Variants in PLCL1 observed in about 807,000 individuals in gnomAD.
PLCL1 encodes phospholipase C like 1 (inactive).
A neutral mutation model predicts 84.4 loss-of-function variants in PLCL1; 41 were observed. The ratio of observed to expected loss-of-function variants is 0.49; its 90% CI spans 0.38 to 0.63. The LOEUF (loss-of-function observed/expected upper bound fraction) is 0.63, where lower values mean the gene tolerates loss of function less well. PLCL1 is among the 30% of genes least tolerant of loss of function. The probability of loss-of-function intolerance (pLI) is 0.00; values close to 1 mark genes in which losing one functional copy is unlikely to be tolerated. For synonymous variants in PLCL1, 490 were observed against 488.3 expected (o/e 1.00, Z -0.05); for missense variants, 1,206 against 1,367.8 (o/e 0.88, Z 1.87).
At chr2:198,112,997 CA>C (rs747056968) in intron 5 of PLCL1, among the ~76,000 whole-genome samples, 4 of 151,858 alleles carry the variant, frequency 2.6e-5, no homozygotes, top group Non-Finnish European at 5.9e-5. Context: ...TATTTTTATA[CA>C]CAAAAGAAAA....
At chr2:198,092,520 C>T (rs1693071419) in intron 3 of PLCL1, among the ~76,000 whole-genome samples, 1 of 152,154 alleles carries the variant, frequency 6.6e-6, no homozygotes, top group Non-Finnish European at 1.5e-5. Flanking sequence ...TTGCAAGGTA[C>T]TTACCACTGT....
chr2:197,829,096 T>G (rs929454366), intron 1 of PLCL1, among the ~76,000 whole-genome samples: 9 of 152,212 alleles, frequency 5.9e-5, no homozygotes, highest in Non-Finnish European at 1.0e-4. Flanking sequence ...TACATAAGTT[T>G]TTAGTACAAT....
chr2:197,833,273 C>T (rs1691109919), intron 1 of PLCL1, among the ~76,000 whole-genome samples: 1 of 152,158 alleles, frequency 6.6e-6, no homozygotes, highest in Admixed American at 6.5e-5. Flanking sequence ...AAAATCGGCA[C>T]AAGACAAGGA....
chr2:197,962,966 C>T (rs552138813), intron 1 of PLCL1, among the ~76,000 whole-genome samples: 1 of 152,112 alleles, frequency 6.6e-6, no homozygotes, highest in South Asian at 2.1e-4. Flanking sequence ...TTTCTTTATC[C>T]ATTTGTCTCT....
chr2:198,101,997 A>G (rs958126349), intron 4 of PLCL1, among the ~76,000 whole-genome samples: 23 of 152,006 alleles, frequency 1.5e-4, no homozygotes, highest in African/African-American at 4.8e-4. Context: ...CACACACACT[A>G]TCTTACTCAT....
At chr2:197,814,352 A>G (rs1225061318) in intron 1 of PLCL1, among the ~76,000 whole-genome samples, 5 of 152,168 alleles carry the variant, frequency 3.3e-5, no homozygotes, top group African/African-American at 7.2e-5. Context: ...TGTGATCAGT[A>G]ATCTTTGATG....
chr2:198,024,399 A>T (rs1365502827), intron 1 of PLCL1, among the ~76,000 whole-genome samples: 1 of 145,808 alleles, frequency 6.9e-6, no homozygotes, highest in East Asian at 2.1e-4. Context: ...AAGTATAATA[A>T]TTTAAAAAAA....
At chr2:197,974,031 T>G (rs999674665) in intron 1 of PLCL1, among the ~76,000 whole-genome samples, 1 of 152,152 alleles carries the variant, frequency 6.6e-6, no homozygotes, top group Non-Finnish European at 1.5e-5. Flanking sequence ...GGGATGTATT[T>G]CAGAGTAGAG....
intron 1 of PLCL1, among the ~76,000 whole-genome samples, chr2:197,848,366 T>C (rs566744637): frequency 6.6e-6 from 1 of 152,308 alleles, no homozygotes; most frequent in South Asian, 2.1e-4. Flanking sequence ...TTCAACTTAC[T>C]TGGTAAAACG....
chr2:197,994,107 T>C (rs935848174), intron 1 of PLCL1, among the ~76,000 whole-genome samples: 3 of 152,156 alleles, frequency 2.0e-5, no homozygotes, highest in African/African-American at 7.2e-5. Context: ...AGCTCCTTAC[T>C]CTAGGCTTGA....
At chr2:197,891,060 A>G (rs1302923527) in intron 1 of PLCL1, among the ~76,000 whole-genome samples, 1 of 151,464 alleles carries the variant, frequency 6.6e-6, no homozygotes, top group Non-Finnish European at 1.5e-5. Context: ...TTTACTTAGT[A>G]TAAGTAATGC....
At chr2:198,053,250 C>T (rs1194185239) in intron 1 of PLCL1, among the ~76,000 whole-genome samples, 1 of 152,178 alleles carries the variant, frequency 6.6e-6, no homozygotes. Context: ...CCTTTTCTCC[C>T]ACTTCATTAT....
chr2:197,933,562 T>C (rs1171435670), intron 1 of PLCL1, among the ~76,000 whole-genome samples: 1 of 152,214 alleles, frequency 6.6e-6, no homozygotes, highest in Non-Finnish European at 1.5e-5. Context: ...TCTTTAGCTA[T>C]ATTAGTTAAG....
chr2:197,925,462 T>G (rs981201762), intron 1 of PLCL1, among the ~76,000 whole-genome samples: 2 of 152,252 alleles, frequency 1.3e-5, no homozygotes, highest in South Asian at 4.1e-4. Context: ...ATTTTCAGTT[T>G]CTATTATTTG....
At chr2:197,906,098 T>C (rs990569538) in intron 1 of PLCL1, among the ~76,000 whole-genome samples, 4 of 152,224 alleles carry the variant, frequency 2.6e-5, no homozygotes, top group African/African-American at 9.6e-5. Context: ...ATTTTGGCTT[T>C]TGTTGCAATT....
chr2:197,809,478 T>G (rs2106413544), intron 1 of PLCL1, among the ~76,000 whole-genome samples: 1 of 152,334 alleles, frequency 6.6e-6, no homozygotes, highest in South Asian at 2.1e-4. Flanking sequence ...TTTCTCAGCC[T>G]TCTTTCCTTC....
intron 1 of PLCL1, among the ~76,000 whole-genome samples, chr2:198,081,618 C>A (rs911276772): frequency 6.6e-6 from 1 of 152,088 alleles, no homozygotes; most frequent in African/African-American, 2.4e-5. Flanking sequence ...TGTCAAATGC[C>A]AGGGCACCAA....
chr2:198,067,169 C>G (rs935792567), intron 1 of PLCL1, among the ~76,000 whole-genome samples: 2 of 148,406 alleles, frequency 1.3e-5, no homozygotes, highest in Non-Finnish European at 3.0e-5. Context: ...GCTCTTGTCA[C>G]CCAGGCTGGA....
chr2:198,139,527 G>A (rs1202898668), intron 5 of PLCL1, among the ~76,000 whole-genome samples: 1 of 152,076 alleles, frequency 6.6e-6, no homozygotes, highest in East Asian at 1.9e-4. Flanking sequence ...ATTCACATAT[G>A]GCAATACATG....
Sources: allele counts gnomAD v4.1 joint callset (sites outside exome capture counted in the v4.1 genomes callset), GRCh38; gene constraint gnomAD v4.1.1; transcripts MANE v1.5; gene names NCBI Gene and HGNC (gene_info 2026-07-23, HGNC 2026-07-21).